The following RP1 variants were observed in gnomAD, a reference collection of about 807,000 sequenced individuals.
RP1 encodes the protein oxygen-regulated protein 1.
A neutral mutation model predicts 14.8 loss-of-function variants in RP1; 16 were observed. The observed-to-expected ratio is 1.08, with a 90% CI of 0.73 to 1.65. RP1 has a LOEUF of 1.65. RP1 is among the 40% of genes most tolerant of loss of function. RP1 has a pLI of 0.00. For synonymous variants in RP1, 876 were observed against 883.6 expected, an observed-to-expected ratio of 0.99 and a Z score of 0.15; for missense variants, 2,631 against 2,535.0, an observed-to-expected ratio of 1.04 and a Z score of -0.81.
At chr8:54,662,396 C>T (rs1034038322) in intron 6 of RP1, among the ~76,000 whole-genome samples, 2 of 152,032 alleles carry the variant, frequency 1.3e-5, no homozygotes, top group African/African-American at 4.8e-5. Flanking sequence ...AAAACTGAGG[C>T]TTTGGTTATC....
intron 6 of RP1, among the ~76,000 whole-genome samples, chr8:54,662,126 G>A (rs959663578): frequency 6.6e-6 from 1 of 151,962 alleles, no homozygotes; most frequent in African/African-American, 2.4e-5. Flanking sequence ...CTTTTCCCAT[G>A]TGAGCTGATA....
chr8:54,657,359 T>G (rs1219210517), intron 6 of RP1, among the ~76,000 whole-genome samples: 1 of 152,206 alleles, frequency 6.6e-6, no homozygotes, highest in Non-Finnish European at 1.5e-5. Context: ...GTTCTGATTT[T>G]ACTTGTCTTC....
At chr8:54,799,300 C>T (rs908158318) in intron 24 of RP1, among the ~76,000 whole-genome samples, 1 of 151,920 alleles carries the variant, frequency 6.6e-6, no homozygotes, top group African/African-American at 2.4e-5. Flanking sequence ...ACATTTATTG[C>T]GATCTGTTCT....
rs765035454 is a variant in RP1 at position 54,625,350 on chromosome 8, G to T, written c.1468G>T (p.Glu490Ter). ...ACAGTTTTCATATAGTGAAGAAAGG[G>T]AAAGTGGGGAAAACAAGTCTGAGTA... ...IGQFSYSEER[E>*]SGENKSEYHM... is the part of the protein sequence containing the mutation. Residue 490 changes from glutamate (E) to a stop codon, truncating the protein, a stop_gained, in exon 4 of 4, where the codon GAA becomes TAA. Coordinates refer to ENST00000220676, the MANE Select transcript of RP1 (RefSeq NM_006269.2). LOFTEE classifies it low-confidence loss of function (END_TRUNC). 1.1e-5 allele frequency: 18 copies of T among 1,614,020 alleles called. No homozygotes were observed. The highest frequency in any genetic ancestry group is 1.4e-5 in the Non-Finnish European group (17 of 1,180,040).
chr8:54,613,846 G>T (rs980532826), upstream of RP1, among the ~76,000 whole-genome samples: 6 of 152,190 alleles, frequency 3.9e-5, no homozygotes, highest in African/African-American at 1.4e-4. Context: ...AAGACATATG[G>T]ATCGAAATGA....
chr8:54,614,898 A>G (rs1263383374), upstream of RP1, among the ~76,000 whole-genome samples: 3 of 152,208 alleles, frequency 2.0e-5, no homozygotes, highest in Non-Finnish European at 4.4e-5. Context: ...TGTTTATCAG[A>G]CATAGATTAT....
intron 1 of RP1, among the ~76,000 whole-genome samples, chr8:54,603,420 A>G (rs1432439009): frequency 2.6e-5 from 4 of 152,146 alleles, no homozygotes; most frequent in Admixed American, 2.6e-4. Context: ...TACCAGTACC[A>G]TGCTGTTTTG....
At chr8:54,739,659 CT>C (rs1809022887) in intron 19 of RP1, among the ~76,000 whole-genome samples, 1 of 151,062 alleles carries the variant, frequency 6.6e-6, no homozygotes. Context: ...CTATGAATCT[CT>C]TTCATGGTTC....
chr8:54,581,273 G>A (rs532112173), intron 1 of RP1, among the ~76,000 whole-genome samples: 128 of 151,516 alleles, frequency 8.4e-4, no homozygotes, highest in African/African-American at 2.8e-3. Flanking sequence ...TTCTGCCCTT[G>A]CGATAGTTTG....
chr8:54,564,071 C>T (rs1480727057), intron 1 of RP1, among the ~76,000 whole-genome samples: 1 of 152,168 alleles, frequency 6.6e-6, no homozygotes, highest in African/African-American at 2.4e-5. Context: ...CTCTGGGTGG[C>T]ACTTGGCAGC....
intron 16 of RP1, among the ~76,000 whole-genome samples, chr8:54,721,381 G>A (rs1808533545): frequency 6.6e-6 from 1 of 152,232 alleles, no homozygotes; most frequent in Admixed American, 6.5e-5. Context: ...AAAGCTAGCA[G>A]AAGAATACAG....
chr8:54,762,458 T>A (rs888002504), intron 22 of RP1, among the ~76,000 whole-genome samples: 1 of 152,220 alleles, frequency 6.6e-6, no homozygotes, highest in Non-Finnish European at 1.5e-5. Flanking sequence ...TTTATTTCTA[T>A]GCCTGAAGGT....
chr8:54,708,711 C>G (rs934130713), intron 15 of RP1, among the ~76,000 whole-genome samples: 10 of 140,434 alleles, frequency 7.1e-5, no homozygotes, highest in Non-Finnish European at 1.6e-4. Flanking sequence ...CTCTCTGACT[C>G]TTCCATTTTT....
At chr8:54,772,851 T>G (rs1160525707), downstream of RP1, among the ~76,000 whole-genome samples, 1 of 152,218 alleles carries the variant, frequency 6.6e-6, no homozygotes. Flanking sequence ...GTTGTGTTAT[T>G]TTTTTAACCT....
downstream of RP1, among the ~76,000 whole-genome samples, chr8:54,632,450 G>A (rs1444641770): frequency 6.6e-6 from 1 of 152,140 alleles, no homozygotes; most frequent in Non-Finnish European, 1.5e-5. Flanking sequence ...TAAAGTGAAC[G>A]TGTTCACATG....
chr8:54,737,360 A>C (rs1440417597), intron 18 of RP1, among the ~76,000 whole-genome samples: 1 of 152,200 alleles, frequency 6.6e-6, no homozygotes, highest in African/African-American at 2.4e-5. Flanking sequence ...CAAGTCACAT[A>C]TGCTTGGTAA....
chr8:54,645,075 G>A (rs76027485), intron 3 of RP1, among the ~76,000 whole-genome samples: 4,127 of 152,188 alleles, frequency 0.027, 172 homozygotes, highest in African/African-American at 0.094. Context: ...ACATTTATAG[G>A]TACCAGAGGT....
At chr8:54,633,717 C>T (rs1196738020), downstream of RP1, among the ~76,000 whole-genome samples, 1 of 119,212 alleles carries the variant, frequency 8.4e-6, no homozygotes, top group Middle Eastern at 4.0e-3. Flanking sequence ...GTGCCTCTCT[C>T]TCTCTCTCTC....
chr8:54,842,180 T>C lies in RP1; in HGVS notation c.3835+4511T>C, dbSNP rs376820876. ...GGGGAAAACATGGGCTTCAGAATGA[T>C]TCAGACCTTTTCATCCACGAGAGAA... is the stretch of plus-strand genomic sequence containing the variant. On this transcript the variant is annotated intron_variant, in intron 25 of 28. Coordinates refer to the RP1 transcript ENST00000637698. Among the ~76,000 whole-genome samples the C allele has an allele frequency of 2.9e-4, 44 of 152,300 alleles. No homozygotes were observed. The East Asian group carries it at 5.2e-3, about 18-fold the overall frequency.
Sources: allele counts gnomAD v4.1 joint callset (sites outside exome capture counted in the v4.1 genomes callset), GRCh38; gene constraint gnomAD v4.1.1; transcripts MANE v1.5; gene names NCBI Gene and HGNC (gene_info 2026-07-23, HGNC 2026-07-21).